Variants in ETV3L observed in about 807,000 individuals in gnomAD.
The protein encoded by ETV3L is ETS translocation variant 3-like protein.
ETV3L carries 30 observed loss-of-function variants against 27.6 expected under a neutral mutation model. That is an observed-to-expected ratio of 1.09 (90% confidence interval 0.81 to 1.48). ETV3L has a LOEUF of 1.48. ETV3L is among the 40% of genes most tolerant of loss of function. The pLI, the probability that ETV3L is intolerant of heterozygous loss-of-function variation, is 0.00. For synonymous variants in ETV3L, 186 were observed against 188.9 expected, an observed-to-expected ratio of 0.98 and a Z score of 0.12; for missense variants, 443 against 455.6, an observed-to-expected ratio of 0.97 and a Z score of 0.25.
At chr1:157,098,193 T>A (rs748458421) in intron 3 of ETV3L, among the ~76,000 whole-genome samples, 23 of 151,428 alleles carry the variant, frequency 1.5e-4, no homozygotes, top group Non-Finnish European at 2.8e-4. Context: ...GCCTCCTGGG[T>A]TCAAGCGATT....
intron 4 of ETV3L, among the ~76,000 whole-genome samples, chr1:157,096,850 C>T (rs573572541): frequency 3.3e-5 from 5 of 152,232 alleles, no homozygotes; most frequent in East Asian, 1.9e-4. Context: ...ACCCAGGAGA[C>T]GGAGGTTGCA....
At chr1:157,093,239 C>A (rs1406527858) in intron 4 of ETV3L, 112 bp from the exon 5 acceptor site, 2 of 656,284 alleles carry the variant, frequency 3.0e-6, no homozygotes, top group Non-Finnish European at 4.7e-6. Context: ...TCTTCCTCGC[C>A]CCACTGCCCT....
chr1:157,096,868 G>A (rs7527190), intron 4 of ETV3L, among the ~76,000 whole-genome samples: 64,522 of 152,094 alleles, frequency 0.42, 14,536 homozygotes, highest in Middle Eastern at 0.57. Flanking sequence ...GCAGTGAGCC[G>A]AGATTGTGCC....
Position 157,099,481 on chromosome 1 carries a change from C to T in ETV3L, c.43G>A (p.Gly15Ser), listed in dbSNP as rs149508240. The T allele has an allele frequency of 1.1e-4, 175 of 1,613,556 alleles. No individual in the cohort carries two copies. Among genetic ancestry groups the T allele is most frequent in the East Asian group, 5.4e-4 (24 of 44,842 alleles). Residue 15 changes from glycine (G) to serine (S), a missense_variant, in exon 1 of 5, where the codon GGC becomes AGC. Gly to Ser is a moderately conservative substitution (Grantham distance 56). Coordinates refer to ENST00000454449, the MANE Select transcript of ETV3L (RefSeq NM_001004341.2). ...CLAEGIPANP[G>S]NWISGLAFPD... is the part of the protein sequence containing the mutation. ...AGAGGCTCACCTGAGATCCAGTTGCCGGGGTTGGCTGGGATGCCCTCAGCC... is the reference window on the plus strand; with the variant it reads ...AGAGGCTCACCTGAGATCCAGTTGCTGGGGTTGGCTGGGATGCCCTCAGCC...
At position 157,099,629 on chromosome 1, in the gene ETV3L, A is replaced by G. The variant is rs1674304435; in HGVS notation, c.-106T>C. 3.3e-6 allele frequency: 3 copies of G among 920,032 alleles called. No homozygotes were observed. The highest frequency in any genetic ancestry group is 2.1e-4 in the Middle Eastern group (1 of 4,676). 57.0% of individuals were successfully genotyped at this position (920,032 alleles called of 1,614,324 possible). A position where few individuals can be genotyped will look rare whatever the true frequency, so the allele number is the denominator to read the frequency against. On this transcript the variant is annotated 5_prime_UTR_variant, in exon 1 of 5. Coordinates refer to ENST00000454449, the MANE Select transcript of ETV3L (RefSeq NM_001004341.2). ...AGGGGAGGACAGTGAAAGAGGAAGGAAAAATGGAGGGAAAGAAGGAAGGAA... is the reference window on the plus strand; with the variant it reads ...AGGGGAGGACAGTGAAAGAGGAAGGGAAAATGGAGGGAAAGAAGGAAGGAA...
chr1:157,096,527 C>T (rs1034473375), intron 4 of ETV3L, among the ~76,000 whole-genome samples: 1 of 152,164 alleles, frequency 6.6e-6, no homozygotes, highest in African/African-American at 2.4e-5. Context: ...TCTTGGTTAC[C>T]GCCCCATCAT....
intron 4 of ETV3L, among the ~76,000 whole-genome samples, chr1:157,097,544 C>G (rs1674253563): frequency 6.6e-6 from 1 of 152,006 alleles, no homozygotes; most frequent in Non-Finnish European, 1.5e-5. Context: ...CCTCCTTCAC[C>G]TGCCCCAGTG....
chr1:157,094,395 C>T (rs1674181433), intron 4 of ETV3L, among the ~76,000 whole-genome samples: 2 of 152,344 alleles, frequency 1.3e-5, no homozygotes, highest in South Asian at 4.1e-4. Context: ...TCTTCCTGCT[C>T]CTTCTAATCC....
Position 157,092,584 on chromosome 1 carries a change from G to A in ETV3L, c.*65C>T. 3.6e-6 allele frequency: 5 copies of A among 1,381,696 alleles called. No homozygotes were observed. Among genetic ancestry groups the A allele is most frequent in the Non-Finnish European group, 5.0e-6 (5 of 1,005,048 alleles). 85.6% of individuals were successfully genotyped at this position (1,381,696 alleles called of 1,614,324 possible). A position where few individuals can be genotyped will look rare whatever the true frequency, so the allele number is the denominator to read the frequency against. ...GCCAGGGGAAGGGGCTAACCCAGAG[G>A]CGGTGGGCAAGAGGAGAGATGGACT... is the stretch of plus-strand genomic sequence containing the variant. On this transcript the variant is annotated 3_prime_UTR_variant, in exon 5 of 5. Transcript: ENST00000454449.
intron 4 of ETV3L, among the ~76,000 whole-genome samples, chr1:157,096,365 T>C (rs1174169407): frequency 6.6e-6 from 1 of 152,164 alleles, no homozygotes; most frequent in Non-Finnish European, 1.5e-5. Flanking sequence ...CACATTGGCT[T>C]CCTAGCCCCT....
At chr1:157,095,369 C>T (rs1674199182) in intron 4 of ETV3L, among the ~76,000 whole-genome samples, 1 of 152,036 alleles carries the variant, frequency 6.6e-6, no homozygotes, top group South Asian at 2.1e-4. Context: ...TCTGGAATCT[C>T]AATCTAGAAG....
rs369277514 is a variant in ETV3L, at chr1:157,093,062, C to A, written c.673G>T (p.Glu225Ter). 41 of 1,518,384 alleles carry A rather than the reference C, an allele frequency of 2.7e-5. No homozygotes were observed. Among genetic ancestry groups the A allele is most frequent in the Non-Finnish European group, 3.5e-5 (40 of 1,133,686 alleles). 94.1% of individuals were successfully genotyped at this position (1,518,384 alleles called of 1,614,324 possible). The change falls in exon 5 of 5, where the codon GAG (glutamate) becomes TAG (stop). Residue 225 changes from glutamate to a stop codon, truncating the protein, a stop_gained. Transcript: ENST00000454449. LOFTEE classifies it low-confidence loss of function (END_TRUNC). ...GTGAAGGAGGCAACACCAGGCAGCTCGCCTTGGACGCTCCCCAAATGGCAG... is the reference window on the plus strand; with the variant it reads ...GTGAAGGAGGCAACACCAGGCAGCTAGCCTTGGACGCTCCCCAAATGGCAG... ...LCCHLGSVQG[E>*]LPGVASFTPP... is the part of the protein sequence containing the mutation.
At chr1:157,099,102 A>T in intron 2 of ETV3L, 39 bp downstream of exon 2, 2 of 1,598,492 alleles carry the variant, frequency 1.3e-6, no homozygotes, top group Non-Finnish European at 1.7e-6. Flanking sequence ...TTTTCCTTGA[A>T]ATCCCCCCTC....
intron 2 of ETV3L, 35 bp downstream of exon 2, chr1:157,099,106 C>T: frequency 1.2e-6 from 2 of 1,608,328 alleles, no homozygotes; most frequent in Non-Finnish European, 1.7e-6. Context: ...CCTTGAAATC[C>T]CCCCTCTTTG....
At position 157,099,363 on chromosome 1, in the gene ETV3L, T is replaced by G; in HGVS notation, c.74A>C (p.Asp25Ala). Residue 25 changes from aspartate to alanine, a missense_variant, in exon 2 of 5, where the codon GAT becomes GCT. Transcript: ENST00000454449. The stretch of plus-strand genomic sequence containing the variant: ...GGACGACTCGGCTTTGTAGGCCCAA[T>G]CAGGGAAGGCCAACCCTGGGTGGAG... ...GNWISGLAFPDWAYKAESSPG... is the reference protein window; with the variant it reads ...GNWISGLAFPAWAYKAESSPG... 1 of 1,614,058 alleles carries G rather than the reference T, an allele frequency of 6.2e-7. No homozygotes were observed. The highest frequency in any genetic ancestry group is 8.5e-7 in the Non-Finnish European group (1 of 1,180,016).
chr1:157,098,877 C>G lies in ETV3L; in HGVS notation c.315G>C (p.Arg105Ser). The G allele has an allele frequency of 2.5e-6, 4 of 1,612,598 alleles. No individual in the cohort carries two copies. The highest frequency in any genetic ancestry group is 3.4e-6 in the Non-Finnish European group (4 of 1,179,486). ...SRALRYYYNK[R>S]ILHKTKGKRF... ...TTTTGCCTTTGGTCTTATGCAGGAT[C>G]CTCTTATTGTAGTAATATCTGGAGA... is the stretch of plus-strand genomic sequence containing the variant. Residue 105 changes from arginine to serine, a missense_variant, in exon 3 of 5, where the codon AGG becomes AGC. Coordinates refer to ENST00000454449, the MANE Select transcript of ETV3L (RefSeq NM_001004341.2).
At position 157,096,695 on chromosome 1, in the gene ETV3L, C is replaced by T. The variant is rs1404774185; in HGVS notation, c.607+1173G>A. The stretch of plus-strand genomic sequence containing the variant: ...CAGCACTTTGGAAGGCCGAGGCAGG[C>T]GGATCACCTGAGGTCAGGAGTTCAA... On this transcript the variant is annotated intron_variant, in intron 4 of 4. Coordinates refer to ENST00000454449, the MANE Select transcript of ETV3L (RefSeq NM_001004341.2). Among the ~76,000 whole-genome samples, 8 of 152,282 alleles carry T rather than the reference C, an allele frequency of 5.3e-5. No individual in the cohort carries two copies. The East Asian group carries it at 7.7e-4, about 15-fold the overall frequency.
rs1240497837 is a variant in ETV3L at position 157,097,933 on chromosome 1, T to C, written c.542A>G (p.Gln181Arg). The C allele has an allele frequency of 6.2e-7, 1 of 1,613,742 alleles. No individual in the cohort carries two copies. The highest frequency in any genetic ancestry group is 8.5e-7 in the Non-Finnish European group (1 of 1,179,910). Residue 181 changes from glutamine to arginine, a missense_variant, in exon 4 of 5, where the codon CAG becomes CGG. Coordinates refer to ENST00000454449, the MANE Select transcript of ETV3L (RefSeq NM_001004341.2). ...CTCTGGTGGCCCTCGGGGGGTCTGC[T>C]GTCCTGTCAGCTGCTCCACCATGGC... ...HQAMVEQLTG[Q>R]QTPRGPPETS...
intron 3 of ETV3L, 108 bp from the exon 4 acceptor site, chr1:157,098,096 T>A: frequency 1.5e-6 from 2 of 1,307,464 alleles, no homozygotes; most frequent in East Asian, 2.8e-5. Context: ...AATACTCTCA[T>A]ACCGATTTTT....
Sources: allele counts gnomAD v4.1 joint callset (sites outside exome capture counted in the v4.1 genomes callset), GRCh38; gene constraint gnomAD v4.1.1; transcripts MANE v1.5; gene names NCBI Gene and HGNC (gene_info 2026-07-23, HGNC 2026-07-21).